CFAP65: variants seen among roughly 807,000 people sequenced by gnomAD.
CFAP65 encodes cilia- and flagella-associated protein 65.
A neutral mutation model predicts 208.0 loss-of-function variants in CFAP65; 155 were observed. The observed-to-expected ratio is 0.75, with a 90% CI of 0.65 to 0.85. The LOEUF is 0.85. Among genes scored for constraint, CFAP65 ranks in the 40% least tolerant of loss-of-function variants. CFAP65 has a pLI of 0.00. For synonymous variants in CFAP65, 970 were observed against 986.3 expected, an observed-to-expected ratio of 0.98 and a Z score of 0.31; for missense variants, 2,294 against 2,451.3, an observed-to-expected ratio of 0.94 and a Z score of 1.36.
At chr2:219,023,511 G>A in intron 15 of CFAP65, 80 bp from the exon 16 acceptor site, 2 of 1,045,320 alleles carry the variant, frequency 1.9e-6, no homozygotes, top group East Asian at 2.6e-5. Flanking sequence ...GGAAGCCATG[G>A]CTAGGCAGCT....
chr2:219,013,531 G>A lies in CFAP65; in HGVS notation c.3834C>T (p.Gly1278=). The change falls in exon 23 of 35, where the codon GGC becomes GGT. Residue 1278 remains glycine (G), a synonymous_variant. Transcript: ENST00000341552. ...GCTGGGGCCTCACCAGGATCTCCCG[G>A]CCATGGGACACCTTGAAGAGCACTG... The part of the protein sequence containing the change: ...HLPVLFKVSH[G]REILLNFIGV... 6.3e-7 allele frequency: 1 copy of A among 1,599,858 alleles called. No individual in the cohort carries two copies. The highest frequency in any genetic ancestry group is 8.5e-7 in the Non-Finnish European group (1 of 1,174,604).
chr2:219,027,715 G>A lies in CFAP65; in HGVS notation c.2146C>T (p.His716Tyr). 1 of 1,614,100 alleles carries A rather than the reference G, an allele frequency of 6.2e-7. No homozygotes were observed. The change falls in exon 13 of 35, where the codon CAC becomes TAC. Residue 716 changes from histidine (H) to tyrosine (Y), a missense_variant. His to Tyr is a moderately conservative substitution (Grantham distance 83, BLOSUM62 2). Transcript: ENST00000341552. ...CAGTTGGGGTGAGGCGGCTGGAAGT[G>A]CAGGCGCATGGCCATGGACTTGAGT... ...PPLKSMAMRL[H>Y]FQPPHPNCLY...
chr2:219,023,260 T>C lies in CFAP65; in HGVS notation c.2767A>G (p.Lys923Glu). The C allele has an allele frequency of 3.1e-6, 5 of 1,613,036 alleles. No individual in the cohort carries two copies. The highest frequency in any genetic ancestry group is 4.2e-6 in the Non-Finnish European group (5 of 1,179,908). ...CTGGAGGGCTGGACAGCCAGCAGCT[T>C]TCGATGCTGCTCAGAGACCCTCCAC... ...FEWRVSEQHR[K>E]LLAVQPSRGL... is the part of the protein sequence containing the mutation. Residue 923 changes from lysine (K) to glutamate (E), a missense_variant, in exon 16 of 35, where the codon AAG becomes GAG. By Grantham distance (56) the Lys-to-Glu change is moderately conservative (BLOSUM62 1). This residue lies in a region of CFAP65 where 1,427 missense variants were observed against 1,438.7 expected (regional missense o/e 0.99). Transcript: ENST00000341552.
intron 13 of CFAP65, chr2:219,027,256 T>C (rs572143701): frequency 7.3e-7 from 1 of 1,364,246 alleles, no homozygotes; most frequent in Non-Finnish European, 9.4e-7. Flanking sequence ...CTGCTGACTT[T>C]GTCTCTAGGC....
intron 29 of CFAP65, 81 bp downstream of exon 29, chr2:219,008,966 C>T: frequency 8.2e-7 from 1 of 1,225,438 alleles, no homozygotes; most frequent in Non-Finnish European, 1.2e-6. Flanking sequence ...TGGAGGGCCA[C>T]CTTGGCCCAC....
rs757142837 is a variant in CFAP65, at chr2:219,002,889, G to C, written c.*48C>G. 1 of 1,471,878 alleles carries C rather than the reference G, an allele frequency of 6.8e-7. No homozygotes were observed. Among genetic ancestry groups the C allele is most frequent in the Non-Finnish European group, 9.3e-7 (1 of 1,073,152 alleles). The allele number at this position is 1,471,878 out of a possible 1,614,324, so 91.2% of individuals were successfully genotyped here. ...TGCTTTTACTGGCGGTGGAGAGGGGGCCAGGCGTGACCCCTAGCGGCATGT... is the reference window on the plus strand; with the variant it reads ...TGCTTTTACTGGCGGTGGAGAGGGGCCCAGGCGTGACCCCTAGCGGCATGT... On this transcript the variant is annotated 3_prime_UTR_variant, in exon 35 of 35. Coordinates refer to ENST00000341552, the MANE Select transcript of CFAP65 (RefSeq NM_194302.4). The surrounding 1 kb of genome is among the most constrained non-coding windows in gnomAD (Gnocchi z 7.9).
Position 219,003,049 on chromosome 2 carries a change from G to A in CFAP65, c.5694-28C>T, listed in dbSNP as rs1346430705. The stretch of plus-strand genomic sequence containing the variant: ...GGAAGACAAAAAGTCCCAGGTAGGC[G>A]TGGGGGCGAGGCTTCGGGCAGAGCC... On this transcript the variant is annotated intron_variant, in intron 34 of 34. Transcript: ENST00000341552. This position sits in a 1 kb window ranked among gnomAD's most constrained non-coding sequence, Gnocchi z 4.4. 1.3e-6 allele frequency: 2 copies of A among 1,551,870 alleles called. No individual in the cohort carries two copies. The highest frequency in any genetic ancestry group is 2.0e-5 in the Admixed American group (1 of 51,012).
intron 19 of CFAP65, 72 bp downstream of exon 19, chr2:219,021,080 G>C: frequency 6.9e-7 from 1 of 1,439,858 alleles, no homozygotes. Flanking sequence ...GGCATCCACT[G>C]CCTCACACAG....
Position 219,022,341 on chromosome 2 carries a change from G to C in CFAP65, c.2821-12C>G. On this transcript the variant is annotated splice_polypyrimidine_tract_variant and intron_variant, in intron 16 of 34. Coordinates refer to ENST00000341552, the MANE Select transcript of CFAP65 (RefSeq NM_194302.4). Reference sequence around the variant, plus strand: ...GTCCACGTCAGCGTCTGGGGTCACAGAAATGATCCCTGCAGTGGCCTTCGG... The same window carrying C: ...GTCCACGTCAGCGTCTGGGGTCACACAAATGATCCCTGCAGTGGCCTTCGG... The C allele has an allele frequency of 6.3e-7, 1 of 1,588,364 alleles. No individual in the cohort carries two copies. Among genetic ancestry groups the C allele is most frequent in the Non-Finnish European group, 8.6e-7 (1 of 1,167,256 alleles).
At position 219,006,084 on chromosome 2, in the gene CFAP65, G is replaced by T; in HGVS notation, c.4859C>A (p.Ala1620Asp). ...GMLCLGLTAR[A>D]HATDYFLANF... is the part of the protein sequence containing the mutation. ...AGCCAGAAAGTAGTCGGTGGCATGG[G>T]CTCGGGCAGTAAGGCCCAGGCAGAG... Residue 1620 changes from alanine to aspartate, a missense_variant, in exon 31 of 35, where the codon GCC becomes GAC. By Grantham distance (126) the Ala-to-Asp change is moderately radical (BLOSUM62 -2). Around this residue, in one of 2 missense-constraint regions of CFAP65, gnomAD observed 1,427 missense variants for 1,438.7 expected, o/e 0.99. Transcript: ENST00000341552. The T allele has an allele frequency of 6.2e-7, 1 of 1,613,574 alleles. No individual in the cohort carries two copies. Among genetic ancestry groups the T allele is most frequent in the Non-Finnish European group, 8.5e-7 (1 of 1,180,026 alleles).
At chr2:219,009,227 C>A (rs894664682) in intron 28 of CFAP65, 73 bp from the exon 29 acceptor site, 1 of 1,487,824 alleles carries the variant, frequency 6.7e-7, no homozygotes, top group African/African-American at 1.4e-5. Flanking sequence ...GAGCCCTCTC[C>A]CTTCCAAGGG....
At position 219,003,319 on chromosome 2, in the gene CFAP65, C is replaced by A; in HGVS notation, c.5556-47G>T. The A allele has an allele frequency of 6.8e-7, 1 of 1,477,460 alleles. No individual in the cohort carries two copies. The highest frequency in any genetic ancestry group is 9.0e-7 in the Non-Finnish European group (1 of 1,113,204). The allele number at this position is 1,477,460 out of a possible 1,614,324, so 91.5% of individuals were successfully genotyped here. ...CATGAGGGCGGCCGCAGTGCCCGCG[C>A]GCCTCCTCGCTCGCCTGTCCGTGCG... is the stretch of plus-strand genomic sequence containing the variant. On this transcript the variant is annotated intron_variant, in intron 33 of 34. Transcript: ENST00000341552. This position sits in a 1 kb window ranked among gnomAD's most constrained non-coding sequence, Gnocchi z 4.4.
At position 219,028,515 on chromosome 2, in the gene CFAP65, G is replaced by T. The variant is rs1947809791; in HGVS notation, c.1651-114C>A. The T allele has an allele frequency of 1.4e-5, 13 of 899,000 alleles. No homozygotes were observed. The Admixed American group carries it at 2.2e-4, about 15-fold the overall frequency. 55.7% of individuals were successfully genotyped at this position (899,000 alleles called of 1,614,324 possible). ...CAGACAGGATAACAGAGGCAGTGGG[G>T]CAGAAGCTCCAGGTGGCCAGTGAGC... On this transcript the variant is annotated intron_variant, in intron 11 of 34. Coordinates refer to ENST00000341552, the MANE Select transcript of CFAP65 (RefSeq NM_194302.4).
At chr2:219,024,486 CAGGG>C (rs1389287503) in intron 14 of CFAP65, among the ~76,000 whole-genome samples, 2 of 8,292 alleles carry the variant, frequency 2.4e-4, no homozygotes, top group Admixed American at 1.5e-3. Flanking sequence ...GGGGGGGGGG[CAGGG>C]GGGCGGGGGC....
chr2:219,035,933 G>T (rs1335294998), intron 4 of CFAP65, among the ~76,000 whole-genome samples: 2 of 152,146 alleles, frequency 1.3e-5, no homozygotes, highest in Non-Finnish European at 2.9e-5. Context: ...AGCCTTCCCT[G>T]GGCGGCTCCA....
Position 219,031,308 on chromosome 2 carries a change from G to C in CFAP65, c.816-3C>G. The C allele has an allele frequency of 6.2e-7, 1 of 1,613,404 alleles. No homozygotes were observed. Among genetic ancestry groups the C allele is most frequent in the Non-Finnish European group, 8.5e-7 (1 of 1,179,472 alleles). ...AGGTGAAGAAGGTGGGCAGGTCCCTGGGGGTGGGGGGCAGGTCAGGGCACT... is the reference window on the plus strand; with the variant it reads ...AGGTGAAGAAGGTGGGCAGGTCCCTCGGGGTGGGGGGCAGGTCAGGGCACT... On this transcript the variant is annotated splice_region_variant and splice_polypyrimidine_tract_variant and intron_variant, in intron 7 of 34. Transcript: ENST00000341552. This position sits in a 1 kb window ranked among gnomAD's most constrained non-coding sequence, Gnocchi z 5.2.
At position 219,010,124 on chromosome 2, in the gene CFAP65, C is replaced by T. The variant is rs759594945; in HGVS notation, c.4309-39G>A. 8.4e-6 allele frequency: 13 copies of T among 1,545,096 alleles called. No individual in the cohort carries two copies. In the East Asian group the frequency reaches 2.5e-4, roughly 30 times the overall value. ...GCGGAGGTAAAGAAATAAGAACCGG[C>T]CAGGCATGGTGGCTCACGCCTGTAA... is the stretch of plus-strand genomic sequence containing the variant. On this transcript the variant is annotated intron_variant, in intron 26 of 34. Transcript: ENST00000341552.
intron 30 of CFAP65, 119 bp downstream of exon 30, chr2:219,006,346 T>C (rs1211314917): frequency 2.0e-6 from 3 of 1,489,850 alleles, no homozygotes; most frequent in African/African-American, 1.4e-5. Flanking sequence ...ACCCCACTCA[T>C]TGGCACTTTC....
chr2:219,003,624 G>T lies in CFAP65; in HGVS notation c.5555+328C>A, dbSNP rs1945734054. ...TACAATGACATAAATCATCTGTAGG[G>T]CAGCCCCGGCGGGAAGTCCCACCTG... On this transcript the variant is annotated intron_variant, in intron 33 of 34. Transcript: ENST00000341552. The surrounding 1 kb of genome is among the most constrained non-coding windows in gnomAD (Gnocchi z 4.4). Among the ~76,000 whole-genome samples, 1 of 152,188 alleles carries T rather than the reference G, an allele frequency of 6.6e-6. No homozygotes were observed. Among genetic ancestry groups the T allele is most frequent in the African/African-American group, 2.4e-5 (1 of 41,442 alleles).
Sources: gnomAD v4.1 joint callset for allele counts (sites outside exome capture counted in the v4.1 genomes callset) on GRCh38, gnomAD v4.1.1 for gene constraint, gnomAD v4.1.1 regional missense constraint, Gnocchi (gnomAD v3.1) non-coding constraint, MANE v1.5 for transcripts, NCBI Gene and HGNC (gene_info 2026-07-23, HGNC 2026-07-21) for gene names.